Variants in IQCJ observed in about 807,000 individuals in gnomAD.
IQCJ encodes IQ motif containing J, also known as IQ domain-containing protein J.
In IQCJ, 9 loss-of-function variants were observed where a neutral mutation model predicts 11.0. That is an observed-to-expected ratio of 0.82 (90% CI 0.49 to 1.43). The LOEUF is 1.43. IQCJ is among the 40% of genes most tolerant of loss of function. The pLI, the probability that IQCJ is intolerant of heterozygous loss-of-function variation, is 0.00. For missense variants in IQCJ, 146 were observed against 133.2 expected (o/e 1.10, Z -0.47); for synonymous variants, 55 against 51.3 (o/e 1.07, Z -0.31).
chr3:159,158,451 G>T (rs965127823), intron 1 of IQCJ, among the ~76,000 whole-genome samples: 44 of 152,150 alleles, frequency 2.9e-4, no homozygotes, highest in African/African-American at 1.0e-3. Flanking sequence ...TTCCCTGGTG[G>T]TTGATTGAAA....
At chr3:159,170,390 C>G (rs1404516729) in intron 1 of IQCJ, among the ~76,000 whole-genome samples, 1 of 152,084 alleles carries the variant, frequency 6.6e-6, no homozygotes, top group African/African-American at 2.4e-5. Flanking sequence ...TCTCCTCCAG[C>G]TAGAATAACA....
intron 1 of IQCJ, among the ~76,000 whole-genome samples, chr3:159,111,131 T>C (rs1353188554): frequency 6.6e-6 from 1 of 152,246 alleles, no homozygotes; most frequent in Non-Finnish European, 1.5e-5. Context: ...AGTTTTGATG[T>C]ACATTTATAA....
chr3:159,163,901 A>G (rs1722021278), intron 1 of IQCJ, among the ~76,000 whole-genome samples: 1 of 151,722 alleles, frequency 6.6e-6, no homozygotes, highest in Non-Finnish European at 1.5e-5. Flanking sequence ...TTCTCTGCAT[A>G]TGTGTACCAG....
At chr3:159,202,201 T>C (rs1183229927) in intron 1 of IQCJ, among the ~76,000 whole-genome samples, 1 of 152,208 alleles carries the variant, frequency 6.6e-6, no homozygotes, top group African/African-American at 2.4e-5. Flanking sequence ...AAAGGCTCTT[T>C]AAGATTCTAG....
chr3:159,162,739 A>T (rs1337719545), intron 1 of IQCJ, among the ~76,000 whole-genome samples: 5 of 152,300 alleles, frequency 3.3e-5, no homozygotes, highest in Non-Finnish European at 5.9e-5. Flanking sequence ...GATAAAGGGG[A>T]TATCACCACC....
chr3:159,253,895 C>T (rs140230668), intron 3 of IQCJ, among the ~76,000 whole-genome samples: 1 of 152,136 alleles, frequency 6.6e-6, no homozygotes, highest in African/African-American at 2.4e-5. Context: ...CCAATACATA[C>T]CCCTGTAAAT....
At chr3:159,236,286 A>AC (rs397876815) in intron 1 of IQCJ, among the ~76,000 whole-genome samples, 3 of 150,684 alleles carry the variant, frequency 2.0e-5, no homozygotes, top group Non-Finnish European at 3.0e-5. Context: ...AAAAAAAAAA[A>AC]CCAAGGAATT....
chr3:159,243,588 CA>C (rs1441049873), intron 1 of IQCJ, among the ~76,000 whole-genome samples: 14 of 152,156 alleles, frequency 9.2e-5, no homozygotes, highest in African/African-American at 3.1e-4. Context: ...GAAATCAGAA[CA>C]GGGGTGCCTT....
chr3:159,176,705 A>G (rs953898479), intron 1 of IQCJ, among the ~76,000 whole-genome samples: 2 of 152,214 alleles, frequency 1.3e-5, no homozygotes, highest in Non-Finnish European at 2.9e-5. Flanking sequence ...ACATGTACTC[A>G]ATGCGAAAAT....
At chr3:159,266,235 A>T (rs548384706), downstream of IQCJ, 2 of 152,246 alleles carry the variant, frequency 1.3e-5, no homozygotes, top group Admixed American at 1.3e-4. Flanking sequence ...TTCTTCCACT[A>T]TATTACTTGA....
intron 1 of IQCJ, 64 bp downstream of exon 1, chr3:159,069,505 T>A: frequency 6.4e-7 from 1 of 1,560,282 alleles, no homozygotes; most frequent in Non-Finnish European, 8.6e-7. Flanking sequence ...GCTTATTATT[T>A]TTTAAAAATC....
intron 1 of IQCJ, among the ~76,000 whole-genome samples, chr3:159,232,195 C>T (rs144138255): frequency 0.033 from 5,029 of 151,796 alleles, 257 homozygotes; most frequent in African/African-American, 0.12. Context: ...TGTTTGCTCT[C>T]GCTTTTCTTG....
intron 1 of IQCJ, among the ~76,000 whole-genome samples, chr3:159,163,890 A>T (rs77634587): frequency 2.0e-5 from 3 of 152,156 alleles, no homozygotes; most frequent in African/African-American, 7.2e-5. Context: ...ATCAGGCCTC[A>T]TTCTCTGCAT....
At chr3:159,076,906 A>G (rs768434896) in intron 1 of IQCJ, among the ~76,000 whole-genome samples, 1 of 152,142 alleles carries the variant, frequency 6.6e-6, no homozygotes, top group Non-Finnish European at 1.5e-5. Context: ...GGAAATGACT[A>G]AAGCACCTTT....
At chr3:159,108,540 T>TA (rs1052498632) in intron 1 of IQCJ, among the ~76,000 whole-genome samples, 1 of 152,236 alleles carries the variant, frequency 6.6e-6, no homozygotes, top group Non-Finnish European at 1.5e-5. Flanking sequence ...GGTTTGTTTG[T>TA]AAAAATACCT....
At chr3:159,094,289 G>C (rs1453098764) in intron 1 of IQCJ, among the ~76,000 whole-genome samples, 1 of 151,644 alleles carries the variant, frequency 6.6e-6, no homozygotes, top group Non-Finnish European at 1.5e-5. Context: ...TACAGATATT[G>C]TAGAAACCAG....
At chr3:159,237,593 C>G (rs1726669596) in intron 1 of IQCJ, among the ~76,000 whole-genome samples, 1 of 152,224 alleles carries the variant, frequency 6.6e-6, no homozygotes, top group Non-Finnish European at 1.5e-5. Flanking sequence ...ACTCATAACA[C>G]AGACTTCATT....
At position 159,092,565 on chromosome 3, in the gene IQCJ, A is replaced by G. The variant is rs552795740; in HGVS notation, c.9+23124A>G. 2.0e-5 allele frequency among the ~76,000 whole-genome samples: 3 copies of G among 151,716 alleles called. No homozygotes were observed. In the South Asian group the frequency reaches 6.2e-4, roughly 31 times the overall value. On this transcript the variant is annotated intron_variant, in intron 1 of 3. Transcript: ENST00000397832. Reference sequence around the variant, plus strand: ...TATAAAAAATTAGCCAGGCGTGGTGACAGGCATCTGTAGTCCCAGCTACTC... The same window carrying G: ...TATAAAAAATTAGCCAGGCGTGGTGGCAGGCATCTGTAGTCCCAGCTACTC...
chr3:159,222,363 T>C lies in IQCJ; in HGVS notation c.10-23480T>C, dbSNP rs1725600928. The stretch of plus-strand genomic sequence containing the variant: ...ATTTGTGACAAATTACAAGGAGATA[T>C]TGCCATTTGTGACACTATGGATGAA... On this transcript the variant is annotated intron_variant, in intron 1 of 3. Transcript: ENST00000397832. Among the ~76,000 whole-genome samples, 3 of 152,196 alleles carry C rather than the reference T, an allele frequency of 2.0e-5. No individual in the cohort carries two copies. The South Asian group carries it at 6.2e-4, about 32-fold the overall frequency.
Sources: allele counts gnomAD v4.1 joint callset (sites outside exome capture counted in the v4.1 genomes callset), GRCh38; gene constraint gnomAD v4.1.1; transcripts MANE v1.5; gene names NCBI Gene and HGNC (gene_info 2026-07-23, HGNC 2026-07-21).